Variants in FILIP1L observed in about 807,000 individuals in gnomAD.
The protein encoded by FILIP1L is filamin A interacting protein 1 like.
In FILIP1L, 55 loss-of-function variants were observed where a neutral mutation model predicts 96.6. That is an observed-to-expected ratio of 0.57 (90% CI 0.46 to 0.71). The LOEUF is 0.71. Ranked by LOEUF, FILIP1L falls within the 30% of genes least tolerant of loss-of-function variation. The pLI, the probability that FILIP1L is intolerant of heterozygous loss-of-function variation, is 0.00. For missense variants in FILIP1L, 1,304 were observed against 1,321.2 expected (o/e 0.99, Z 0.20); for synonymous variants, 467 against 473.9 (o/e 0.99, Z 0.19).
At chr3:99,988,231 C>G (rs1709403907) in intron 1 of FILIP1L, among the ~76,000 whole-genome samples, 1 of 151,320 alleles carries the variant, frequency 6.6e-6, no homozygotes, top group Non-Finnish European at 1.5e-5. Flanking sequence ...GGCGCAGTGC[C>G]TCACGCCTGT....
chr3:100,104,845 G>A (rs2107464446), intron 1 of FILIP1L, among the ~76,000 whole-genome samples: 1 of 152,246 alleles, frequency 6.6e-6, no homozygotes, highest in South Asian at 2.1e-4. Context: ...ACCATTTACA[G>A]CTTAGCTAGC....
intron 3 of FILIP1L, among the ~76,000 whole-genome samples, chr3:99,926,757 A>G (rs1031247130): frequency 6.6e-6 from 1 of 152,238 alleles, no homozygotes; most frequent in African/African-American, 2.4e-5. Context: ...TTTTATACAA[A>G]CCAAAGAGAG....
chr3:99,875,739 A>G (rs943450932), intron 4 of FILIP1L, among the ~76,000 whole-genome samples: 10 of 152,150 alleles, frequency 6.6e-5, no homozygotes, highest in African/African-American at 2.4e-4. Flanking sequence ...GCAGTACAAT[A>G]TAGTCTCCCC....
chr3:99,894,437 C>T lies in FILIP1L; in HGVS notation c.605+29793G>A, dbSNP rs1576553952. 2.0e-5 allele frequency among the ~76,000 whole-genome samples: 3 copies of T among 152,250 alleles called. No individual in the cohort carries two copies. In the South Asian group the frequency reaches 6.2e-4, roughly 32 times the overall value. On this transcript the variant is annotated intron_variant, in intron 4 of 5. Transcript: ENST00000477258. Reference sequence around the variant, plus strand: ...TGCTGGTGTGCTATTTTCTTGTTTCCACTTTTAGTTGTCACCTTTTTGTTT... The same window carrying T: ...TGCTGGTGTGCTATTTTCTTGTTTCTACTTTTAGTTGTCACCTTTTTGTTT...
intron 1 of FILIP1L, among the ~76,000 whole-genome samples, chr3:100,059,810 A>G (rs1258442210): frequency 6.6e-6 from 1 of 152,126 alleles, no homozygotes; most frequent in African/African-American, 2.4e-5. Flanking sequence ...GTGTGTATGT[A>G]TCATCTCCTG....
intron 1 of FILIP1L, among the ~76,000 whole-genome samples, chr3:99,995,456 A>G (rs1709650760): frequency 6.6e-6 from 1 of 152,080 alleles, no homozygotes; most frequent in Non-Finnish European, 1.5e-5. Flanking sequence ...CTGCTTTTCC[A>G]GGAGCATGGT....
intron 1 of FILIP1L, among the ~76,000 whole-genome samples, chr3:100,013,432 C>T (rs1710225619): frequency 6.6e-6 from 1 of 151,720 alleles, no homozygotes; most frequent in South Asian, 2.1e-4. Context: ...TTAGTAGAGA[C>T]CGGGTTTCCC....
chr3:99,863,340 C>T lies in FILIP1L; in HGVS notation c.606-12270G>A, dbSNP rs112020341. On this transcript the variant is annotated intron_variant, in intron 4 of 5. Coordinates refer to ENST00000477258, the MANE Select transcript of FILIP1L (RefSeq NM_001387850.1). ...GCTGCTCACCTCCTGCTATGTGACCCGGTAATAGGCCTCAAACTGGTACTG... is the reference window on the plus strand; with the variant it reads ...GCTGCTCACCTCCTGCTATGTGACCTGGTAATAGGCCTCAAACTGGTACTG... 2.1e-4 allele frequency among the ~76,000 whole-genome samples: 32 copies of T among 152,246 alleles called. 1 individual carries two copies. Among genetic ancestry groups the T allele is most frequent in the African/African-American group, 7.0e-4 (29 of 41,566 alleles).
chr3:100,089,219 T>G (rs768919084), intron 1 of FILIP1L, among the ~76,000 whole-genome samples: 3 of 152,236 alleles, frequency 2.0e-5, no homozygotes, highest in Admixed American at 6.5e-5. Context: ...CTTAAAGATA[T>G]GTAGTAATCT....
rs181999669 is a variant in FILIP1L, at chr3:100,036,637, A to G, written c.-11+77416T>C. 7.5e-4 allele frequency among the ~76,000 whole-genome samples: 115 copies of G among 152,366 alleles called. 1 individual carries two copies. The highest frequency in any genetic ancestry group is 1.2e-3 in the East Asian group (6 of 5,194). On this transcript the variant is annotated intron_variant, in intron 1 of 5. Transcript: ENST00000477258. ...ACCATTTTGCAGCCATCATAGTTGC[A>G]AATAGTTAAGAAGTATCAATGGCTG...
intron 1 of FILIP1L, among the ~76,000 whole-genome samples, chr3:99,939,457 G>T (rs1576587992): frequency 6.6e-6 from 1 of 152,128 alleles, no homozygotes; most frequent in East Asian, 1.9e-4. Flanking sequence ...ACACCACCTA[G>T]TTTCAGTCTC....
chr3:99,859,303 T>G (rs912009771), intron 4 of FILIP1L, among the ~76,000 whole-genome samples: 8 of 152,260 alleles, frequency 5.3e-5, no homozygotes, highest in African/African-American at 1.4e-4. Context: ...CCTGTATTCT[T>G]GCACAGATCA....
At chr3:99,863,229 C>T (rs566212662) in intron 4 of FILIP1L, among the ~76,000 whole-genome samples, 1 of 152,312 alleles carries the variant, frequency 6.6e-6, no homozygotes, top group Admixed American at 6.5e-5. Context: ...GCACAGTTCA[C>T]AATAGGGTTC....
intron 5 of FILIP1L, among the ~76,000 whole-genome samples, chr3:99,833,653 A>C (rs537402185): frequency 6.6e-6 from 1 of 152,360 alleles, no homozygotes; most frequent in South Asian, 2.1e-4. Context: ...ATCTGTATTG[A>C]CAACGTGTTG....
intron 1 of FILIP1L, among the ~76,000 whole-genome samples, chr3:99,962,059 A>G (rs1708509766): frequency 6.6e-6 from 1 of 152,182 alleles, no homozygotes; most frequent in Non-Finnish European, 1.5e-5. Flanking sequence ...CACACCACAC[A>G]AGCAAAGTCC....
At chr3:100,095,508 T>A (rs1459000272) in intron 1 of FILIP1L, among the ~76,000 whole-genome samples, 1 of 151,898 alleles carries the variant, frequency 6.6e-6, no homozygotes, top group Non-Finnish European at 1.5e-5. Flanking sequence ...ACCGAGAACA[T>A]GCATTGGAGA....
chr3:99,856,488 A>G (rs1166823318), intron 4 of FILIP1L, among the ~76,000 whole-genome samples: 2 of 152,212 alleles, frequency 1.3e-5, no homozygotes, highest in Admixed American at 1.3e-4. Context: ...AATCCGCTCC[A>G]ATAAAAATGG....
Position 99,929,866 on chromosome 3 carries a change from G to A in FILIP1L, c.416C>T (p.Pro139Leu). The A allele has an allele frequency of 6.2e-7, 1 of 1,611,746 alleles. No individual in the cohort carries two copies. Among genetic ancestry groups the A allele is most frequent in the South Asian group, 1.1e-5 (1 of 90,644 alleles). The change falls in exon 3 of 6, where the codon CCA (proline) becomes CTA (leucine). Residue 139 changes from proline to leucine, a missense_variant. Physicochemically the swap from Pro to Leu is moderately conservative, Grantham distance 98. Coordinates refer to ENST00000477258, the MANE Select transcript of FILIP1L (RefSeq NM_001387850.1). ...TPWQEDIYEK[P>L]MNELDKVVEK... ...TATTGTGGTACATACCTCATTCATT[G>A]GTTTCTCATAGATGTCCTCCTGCCA...
chr3:99,859,933 A>G (rs1029113957), intron 4 of FILIP1L, among the ~76,000 whole-genome samples: 1 of 152,186 alleles, frequency 6.6e-6, no homozygotes, highest in African/African-American at 2.4e-5. Flanking sequence ...TCACAAGTCA[A>G]AGGTTTTCTA....
Sources: allele counts gnomAD v4.1 joint callset (sites outside exome capture counted in the v4.1 genomes callset), GRCh38; gene constraint gnomAD v4.1.1; transcripts MANE v1.5; gene names NCBI Gene and HGNC (gene_info 2026-07-23, HGNC 2026-07-21).